Variants in RPS6KA2 observed in about 807,000 individuals in gnomAD.
The protein encoded by RPS6KA2 is ribosomal protein S6 kinase A2.
Under a neutral mutation model 91.8 loss-of-function variants are expected in RPS6KA2, and 42 were observed. That is an observed-to-expected ratio of 0.46 (90% CI 0.36 to 0.59). The LOEUF (loss-of-function observed/expected upper bound fraction) is 0.59. Among genes scored for constraint, RPS6KA2 ranks in the 20% least tolerant of loss-of-function variants. The pLI is 0.00. For synonymous variants in RPS6KA2, 414 were observed against 393.6 expected (o/e 1.05, Z -0.61); for missense variants, 798 against 978.5 (o/e 0.82, Z 2.46).
At chr6:166,630,581 G>T (rs941635999), upstream of RPS6KA2, among the ~76,000 whole-genome samples, 9 of 152,322 alleles carry the variant, frequency 5.9e-5, no homozygotes, top group African/African-American at 1.9e-4. Context: ...GCAGGAAGTC[G>T]TGCTTTTCCG....
chr6:166,517,601 G>A (rs367920717), intron 3 of RPS6KA2, among the ~76,000 whole-genome samples: 1 of 150,454 alleles, frequency 6.6e-6, no homozygotes, highest in Admixed American at 6.6e-5. Context: ...TCAGCCTCCC[G>A]AGTAGCTGGG....
chr6:166,703,938 T>A (rs543316033), intron 2 of RPS6KA2, among the ~76,000 whole-genome samples: 1 of 152,228 alleles, frequency 6.6e-6, no homozygotes, highest in East Asian at 1.9e-4. Context: ...TTTTCTCAGG[T>A]AACATATTTT....
At chr6:166,736,362 T>C (rs1790669398) in intron 2 of RPS6KA2, among the ~76,000 whole-genome samples, 1 of 152,230 alleles carries the variant, frequency 6.6e-6, no homozygotes, top group Non-Finnish European at 1.5e-5. Context: ...GGGCACACCG[T>C]AACTGTGTGT....
intron 1 of RPS6KA2, among the ~76,000 whole-genome samples, chr6:166,861,449 A>T (rs956444047): frequency 6.6e-6 from 1 of 152,234 alleles, no homozygotes; most frequent in Non-Finnish European, 1.5e-5. Flanking sequence ...GGAGCAAATC[A>T]GATTCCGTGG....
chr6:166,523,526 T>C (rs578196645), intron 3 of RPS6KA2, among the ~76,000 whole-genome samples: 1 of 152,268 alleles, frequency 6.6e-6, no homozygotes, highest in South Asian at 2.1e-4. Context: ...CTTTGCTGCC[T>C]TGTGCCTTAG....
chr6:166,477,663 C>G (rs1163934814), intron 10 of RPS6KA2, among the ~76,000 whole-genome samples: 1 of 152,194 alleles, frequency 6.6e-6, no homozygotes, highest in Non-Finnish European at 1.5e-5. Flanking sequence ...CCTGTAATCT[C>G]ATGTTGGGAG....
At chr6:166,480,423 C>T (rs535291443) in intron 10 of RPS6KA2, among the ~76,000 whole-genome samples, 155 of 147,884 alleles carry the variant, frequency 1.0e-3, no homozygotes, top group Admixed American at 5.8e-3. Context: ...CTTCAACCCT[C>T]GCTAGATGTT....
intron 2 of RPS6KA2, among the ~76,000 whole-genome samples, chr6:166,698,501 A>G (rs1431863519): frequency 6.6e-6 from 1 of 152,168 alleles, no homozygotes. Flanking sequence ...TCAAAGGCTG[A>G]TGAGGTTGGG....
At position 166,459,562 on chromosome 6, in the gene RPS6KA2, A is replaced by G. The variant is rs774103845; in HGVS notation, c.973-11T>C. On this transcript the variant is annotated splice_polypyrimidine_tract_variant and intron_variant, in intron 11 of 20. Coordinates refer to ENST00000265678, the MANE Select transcript of RPS6KA2 (RefSeq NM_021135.6). This position sits in a 1 kb window ranked among gnomAD's most constrained non-coding sequence, Gnocchi z 4.9. ...CTTCCGGTACAGCGTCTATTAATAC[A>G]AGGAAAGCAAGACAGGGCACTGAGG... 4.4e-6 allele frequency: 7 copies of G among 1,600,088 alleles called. No individual in the cohort carries two copies. The South Asian group carries it at 7.7e-5, about 18-fold the overall frequency.
intron 2 of RPS6KA2, among the ~76,000 whole-genome samples, chr6:166,705,569 T>C (rs1228511572): frequency 1.3e-5 from 2 of 152,136 alleles, no homozygotes; most frequent in African/African-American, 4.8e-5. Flanking sequence ...CTGCTTAGCA[T>C]GGTACTAAAG....
In RPS6KA2 at chr6:166,598,301, T is replaced by G. The variant is rs1252999167; in HGVS notation, c.99+28620A>C. Among the ~76,000 whole-genome samples the G allele has an allele frequency of 2.0e-5, 3 of 152,280 alleles. No individual in the cohort carries two copies. In the East Asian group the frequency reaches 5.8e-4, roughly 29 times the overall value. On this transcript the variant is annotated intron_variant, in intron 1 of 20. Coordinates refer to ENST00000265678, the MANE Select transcript of RPS6KA2 (RefSeq NM_021135.6). ...CCTTGTTCTCCTCCCTAACTTGGTG[T>G]GGAAGGAATCCCTCCAAAAGGCAAT...
chr6:166,698,868 A>C (rs1789428635), intron 2 of RPS6KA2, among the ~76,000 whole-genome samples: 1 of 152,204 alleles, frequency 6.6e-6, no homozygotes, highest in South Asian at 2.1e-4. Flanking sequence ...TGATTTTGTC[A>C]ATTAGAAGTG....
At chr6:166,660,879 G>A (rs9457192) in intron 2 of RPS6KA2, among the ~76,000 whole-genome samples, 42,630 of 151,916 alleles carry the variant, frequency 0.28, 6,057 homozygotes, top group East Asian at 0.35. Flanking sequence ...ATTCATGAAC[G>A]TAAATCGTGA....
intron 8 of RPS6KA2, among the ~76,000 whole-genome samples, chr6:166,491,235 ACG>A (rs1781577033): frequency 1.3e-5 from 2 of 152,186 alleles, no homozygotes; most frequent in African/African-American, 2.4e-5. Flanking sequence ...TTAGCCTCTG[ACG>A]AGGACAATAT....
chr6:166,492,954 A>G (rs1284182576), intron 8 of RPS6KA2, among the ~76,000 whole-genome samples: 1 of 146,710 alleles, frequency 6.8e-6, no homozygotes, highest in South Asian at 2.2e-4. Context: ...CTGAACTGGA[A>G]CTCCTGACCT....
intron 2 of RPS6KA2, among the ~76,000 whole-genome samples, chr6:166,811,757 G>A (rs1046317209): frequency 2.6e-5 from 4 of 152,178 alleles, no homozygotes; most frequent in African/African-American, 9.7e-5. Context: ...AGTGCAGTCC[G>A]ATTTCTACTA....
intron 1 of RPS6KA2, among the ~76,000 whole-genome samples, chr6:166,588,337 G>A (rs566454728): frequency 1.3e-5 from 2 of 151,762 alleles, no homozygotes; most frequent in Non-Finnish European, 2.9e-5. Context: ...ATTTCCAGGT[G>A]GGGCCAGCGA....
chr6:166,447,824 G>A (rs1779727989), intron 14 of RPS6KA2, among the ~76,000 whole-genome samples: 1 of 152,226 alleles, frequency 6.6e-6, no homozygotes, highest in Admixed American at 6.5e-5. Flanking sequence ...AATAAGCCGG[G>A]AGGGTCCTGG....
intron 2 of RPS6KA2, among the ~76,000 whole-genome samples, chr6:166,761,028 GA>G (rs1213009491): frequency 6.6e-6 from 1 of 152,148 alleles, no homozygotes; most frequent in Non-Finnish European, 1.5e-5. Flanking sequence ...GTGAGTTTGC[GA>G]ACTGAATGTT....
Sources: allele counts gnomAD v4.1 joint callset (sites outside exome capture counted in the v4.1 genomes callset), GRCh38; gene constraint gnomAD v4.1.1; non-coding constraint Gnocchi (gnomAD v3.1); transcripts MANE v1.5; gene names NCBI Gene and HGNC (gene_info 2026-07-23, HGNC 2026-07-21).